Variants in ERBB4 observed in about 807,000 individuals in gnomAD.
The protein encoded by ERBB4 is receptor tyrosine-protein kinase erbB-4.
In ERBB4, 42 loss-of-function variants were observed where a neutral mutation model predicts 158.0. The ratio of observed to expected loss-of-function variants is 0.27; its 90% CI spans 0.21 to 0.34. The LOEUF is 0.34. Among genes scored for constraint, ERBB4 ranks in the 10% least tolerant of loss-of-function variants. The pLI is 1.00. For missense variants in ERBB4, 1,333 were observed against 1,624.1 expected, an observed-to-expected ratio of 0.82 and a Z score of 3.08; for synonymous variants, 583 against 558.7, an observed-to-expected ratio of 1.04 and a Z score of -0.61.
intron 7 of ERBB4, among the ~76,000 whole-genome samples, chr2:211,720,651 T>G (rs980558785): frequency 2.0e-5 from 3 of 152,234 alleles, no homozygotes; most frequent in African/African-American, 7.2e-5. Flanking sequence ...AAATCCACTC[T>G]TTCGGTACAC....
chr2:212,035,573 C>T (rs2076994738), intron 2 of ERBB4, among the ~76,000 whole-genome samples: 1 of 152,194 alleles, frequency 6.6e-6, no homozygotes, highest in South Asian at 2.1e-4. Context: ...TTTCACTCTT[C>T]ACCCATGTCA....
At chr2:211,777,177 GATTA>G (rs1187344826) in intron 4 of ERBB4, 2 of 152,120 alleles carry the variant, frequency 1.3e-5, no homozygotes, top group South Asian at 2.1e-4. Context: ...AGCATCTACT[GATTA>G]ATTGTTATGT....
At chr2:211,846,762 G>A (rs768479723) in intron 3 of ERBB4, among the ~76,000 whole-genome samples, 4 of 151,798 alleles carry the variant, frequency 2.6e-5, no homozygotes, top group Admixed American at 1.3e-4. Context: ...TCCCTAATTC[G>A]GCATTTGCAA....
At chr2:212,184,547 C>A (rs946357974) in intron 1 of ERBB4, among the ~76,000 whole-genome samples, 1 of 152,028 alleles carries the variant, frequency 6.6e-6, no homozygotes, top group East Asian at 1.9e-4. Flanking sequence ...CAGTCAAACA[C>A]TTACATCTGG....
chr2:211,442,878 AG>A (rs1028017130), intron 20 of ERBB4, among the ~76,000 whole-genome samples: 36 of 152,132 alleles, frequency 2.4e-4, no homozygotes, highest in South Asian at 8.3e-4. Context: ...CGAAAAATAA[AG>A]ATTTTTTTTA....
chr2:212,017,268 G>A (rs1051249221), intron 2 of ERBB4, among the ~76,000 whole-genome samples: 2 of 152,034 alleles, frequency 1.3e-5, no homozygotes, highest in Admixed American at 6.5e-5. Context: ...GTGGTATAGA[G>A]AAGAGTAAAA....
chr2:212,380,698 A>G (rs944873387), intron 1 of ERBB4, among the ~76,000 whole-genome samples: 1 of 151,020 alleles, frequency 6.6e-6, no homozygotes, highest in African/African-American at 2.4e-5. Flanking sequence ...ACGAGAATTT[A>G]GGCTCTTTGA....
At chr2:211,532,138 C>T (rs1312769412) in intron 20 of ERBB4, among the ~76,000 whole-genome samples, 1 of 134,274 alleles carries the variant, frequency 7.4e-6, no homozygotes, top group African/African-American at 2.5e-5. Flanking sequence ...TCACCAGAGT[C>T]TGGGAAGGGT....
chr2:212,140,683 G>C (rs1351059794), intron 1 of ERBB4, among the ~76,000 whole-genome samples: 1 of 150,598 alleles, frequency 6.6e-6, no homozygotes, highest in African/African-American at 2.4e-5. Context: ...ATTTATTTTT[G>C]ATGTAAACAG....
Position 212,087,172 on chromosome 2 carries a change from T to TAC in ERBB4, c.234+37578_234+37579dup, listed in dbSNP as rs147010295. Among the ~76,000 whole-genome samples, 1,004 of 147,510 alleles carry TAC rather than the reference T, an allele frequency of 6.8e-3. 5 individuals are homozygous for TAC. The highest frequency in any genetic ancestry group is 0.012 in the African/African-American group (475 of 40,296). On this transcript the variant is annotated intron_variant, in intron 2 of 27. Coordinates refer to ENST00000342788, the MANE Select transcript of ERBB4 (RefSeq NM_005235.3). ...ACCTCTTATGACATCAACACACACATACACACACACACACACACACAAATA... is the reference window on the plus strand; with the variant it reads ...ACCTCTTATGACATCAACACACACATACACACACACACACACACACACAAATA...
rs183363673 is a variant in ERBB4, at chr2:212,215,421, T to C, written c.83-90518A>G. On this transcript the variant is annotated intron_variant, in intron 1 of 27. Coordinates refer to ENST00000342788, the MANE Select transcript of ERBB4 (RefSeq NM_005235.3). ...AGGCTCAAATTGCCATTTTTCATCA[T>C]AAAAATTCTTGCTGTGTGTATTGTG... is the stretch of plus-strand genomic sequence containing the variant. Among the ~76,000 whole-genome samples, 6 of 151,580 alleles carry C rather than the reference T, an allele frequency of 4.0e-5. No individual in the cohort carries two copies. The Admixed American group carries it at 4.0e-4, about 10-fold the overall frequency.
chr2:212,019,531 G>A (rs1044511747), intron 2 of ERBB4, among the ~76,000 whole-genome samples: 1 of 152,050 alleles, frequency 6.6e-6, no homozygotes, highest in South Asian at 2.1e-4. Context: ...GGGAGGCCAA[G>A]ATGGGCAGAT....
At chr2:212,133,091 T>A (rs2080157200) in intron 1 of ERBB4, among the ~76,000 whole-genome samples, 1 of 152,102 alleles carries the variant, frequency 6.6e-6, no homozygotes, top group South Asian at 2.1e-4. Flanking sequence ...TCCTGTAACT[T>A]AAAATTTTTT....
At chr2:211,866,112 G>A (rs986152893) in intron 3 of ERBB4, among the ~76,000 whole-genome samples, 3 of 152,092 alleles carry the variant, frequency 2.0e-5, no homozygotes, top group Non-Finnish European at 2.9e-5. Context: ...TTAACCTGGT[G>A]TGGTGGCAGG....
chr2:211,724,975 A>G, intron 6 of ERBB4, 101 bp downstream of exon 6: 5 of 933,728 alleles, frequency 5.4e-6, no homozygotes, highest in South Asian at 5.3e-5. Flanking sequence ...TAAAGTGGCT[A>G]AAGTTGATCT....
At chr2:212,436,863 G>C (rs1203593729) in intron 1 of ERBB4, among the ~76,000 whole-genome samples, 1 of 151,992 alleles carries the variant, frequency 6.6e-6, no homozygotes, top group East Asian at 1.9e-4. Context: ...GCAAAGAATG[G>C]AAGTGGGTAG....
chr2:211,876,363 G>C (rs1212549019), intron 3 of ERBB4, among the ~76,000 whole-genome samples: 1 of 152,100 alleles, frequency 6.6e-6, no homozygotes, highest in Non-Finnish European at 1.5e-5. Context: ...CTTAAAGAAT[G>C]GCAAGACAGA....
At chr2:212,197,446 A>G (rs1163208846) in intron 1 of ERBB4, among the ~76,000 whole-genome samples, 3 of 152,162 alleles carry the variant, frequency 2.0e-5, no homozygotes, top group Non-Finnish European at 4.4e-5. Flanking sequence ...AACCCTAACC[A>G]CACACTTATG....
At chr2:212,069,228 C>T (rs538876665) in intron 2 of ERBB4, among the ~76,000 whole-genome samples, 3 of 152,164 alleles carry the variant, frequency 2.0e-5, no homozygotes, top group South Asian at 4.1e-4. Context: ...TAGGATCACA[C>T]ACCATGACCA....
Sources: allele counts gnomAD v4.1 joint callset (sites outside exome capture counted in the v4.1 genomes callset), GRCh38; gene constraint gnomAD v4.1.1; transcripts MANE v1.5; gene names NCBI Gene and HGNC (gene_info 2026-07-23, HGNC 2026-07-21).